The following NALF1 variants were observed in gnomAD, a reference collection of about 807,000 sequenced individuals.
NALF1 encodes NALCN channel auxiliary factor 1.
A neutral mutation model predicts 48.4 loss-of-function variants in NALF1; 3 were observed. That is an observed-to-expected ratio of 0.06 (90% CI 0.03 to 0.16). The LOEUF (loss-of-function observed/expected upper bound fraction) is 0.16, where lower values mean the gene tolerates loss of function less well. NALF1 is among the 10% of genes least tolerant of loss of function. NALF1 has a pLI of 1.00. For synonymous variants in NALF1, 262 were observed against 245.7 expected, an observed-to-expected ratio of 1.07 and a Z score of -0.62; for missense variants, 526 against 571.5, an observed-to-expected ratio of 0.92 and a Z score of 0.81.
chr13:107,609,574 A>G (rs902414591), intron 1 of NALF1, among the ~76,000 whole-genome samples: 4 of 152,032 alleles, frequency 2.6e-5, no homozygotes, highest in African/African-American at 9.7e-5. Context: ...TGTACCTCCT[A>G]CCTCAGTCTA....
At chr13:107,522,728 C>T (rs965161059) in intron 1 of NALF1, among the ~76,000 whole-genome samples, 1 of 151,892 alleles carries the variant, frequency 6.6e-6, no homozygotes, top group Non-Finnish European at 1.5e-5. Context: ...CTTTGCGTCC[C>T]GAGTAGCTGA....
intron 1 of NALF1, among the ~76,000 whole-genome samples, chr13:107,221,274 T>C (rs1279539453): frequency 6.6e-6 from 1 of 151,800 alleles, no homozygotes. Context: ...CCACTAAAGC[T>C]ATTGAAATTT....
At chr13:107,430,412 G>A (rs1884357860) in intron 1 of NALF1, among the ~76,000 whole-genome samples, 1 of 151,858 alleles carries the variant, frequency 6.6e-6, no homozygotes, top group Admixed American at 6.6e-5. Context: ...TTAGCATTAG[G>A]TATATCTCCT....
chr13:107,593,107 C>G (rs78486868), intron 1 of NALF1, among the ~76,000 whole-genome samples: 7 of 151,804 alleles, frequency 4.6e-5, no homozygotes, highest in Admixed American at 3.9e-4. Flanking sequence ...ATCTCCTTGA[C>G]GAAGTACATA....
intron 1 of NALF1, among the ~76,000 whole-genome samples, chr13:107,500,197 C>G (rs1470501024): frequency 2.0e-5 from 3 of 152,124 alleles, no homozygotes; most frequent in Non-Finnish European, 4.4e-5. Context: ...AATTAATGTC[C>G]TAACACATCA....
chr13:107,355,251 C>G (rs1469601068), intron 1 of NALF1, among the ~76,000 whole-genome samples: 2 of 151,900 alleles, frequency 1.3e-5, no homozygotes, highest in Admixed American at 1.3e-4. Flanking sequence ...AAAATGTAAT[C>G]ACACACAGTA....
intron 1 of NALF1, among the ~76,000 whole-genome samples, chr13:107,416,818 T>G (rs1395307790): frequency 6.6e-6 from 1 of 152,212 alleles, no homozygotes; most frequent in Non-Finnish European, 1.5e-5. Flanking sequence ...ATTTACATAT[T>G]TACATTACAT....
chr13:107,794,374 TA>T (rs1878346287), intron 1 of NALF1, among the ~76,000 whole-genome samples: 1 of 152,062 alleles, frequency 6.6e-6, no homozygotes, highest in Non-Finnish European at 1.5e-5. Flanking sequence ...CCGGTACTAT[TA>T]GAATTGCTCA....
intron 1 of NALF1, among the ~76,000 whole-genome samples, chr13:107,762,661 G>A (rs1157463841): frequency 6.6e-6 from 1 of 152,120 alleles, no homozygotes; most frequent in Non-Finnish European, 1.5e-5. Flanking sequence ...AATGGTGGTT[G>A]CACGGGCTGG....
chr13:107,777,513 C>T (rs1335746277), intron 1 of NALF1, among the ~76,000 whole-genome samples: 1 of 152,124 alleles, frequency 6.6e-6, no homozygotes, highest in Admixed American at 6.5e-5. Flanking sequence ...TGAGTGAGTT[C>T]TCGCAAGATC....
At chr13:107,600,169 G>A (rs1878880975) in intron 1 of NALF1, among the ~76,000 whole-genome samples, 1 of 152,152 alleles carries the variant, frequency 6.6e-6, no homozygotes, top group Admixed American at 6.5e-5. Flanking sequence ...CAGAATTCAA[G>A]GTTGAAGGTT....
At chr13:107,495,693 C>T (rs1875311167) in intron 1 of NALF1, among the ~76,000 whole-genome samples, 1 of 152,068 alleles carries the variant, frequency 6.6e-6, no homozygotes, top group African/African-American at 2.4e-5. Flanking sequence ...TGAAATCACA[C>T]ATAGGAAGAA....
intron 1 of NALF1, among the ~76,000 whole-genome samples, chr13:107,462,623 T>C (rs1884937509): frequency 6.6e-6 from 1 of 152,224 alleles, no homozygotes; most frequent in Non-Finnish European, 1.5e-5. Flanking sequence ...GCCTGGCTCC[T>C]GGGACATGCC....
At chr13:107,805,808 A>G (rs1264128946) in intron 1 of NALF1, among the ~76,000 whole-genome samples, 1 of 152,160 alleles carries the variant, frequency 6.6e-6, no homozygotes, top group Non-Finnish European at 1.5e-5. Context: ...ACTGGTAACA[A>G]TTCTCACTAG....
intron 1 of NALF1, among the ~76,000 whole-genome samples, chr13:107,677,128 C>T (rs1881153111): frequency 6.6e-6 from 1 of 152,212 alleles, no homozygotes; most frequent in South Asian, 2.1e-4. Context: ...CTTACTGCTA[C>T]CTCCGCCTCC....
intron 1 of NALF1, among the ~76,000 whole-genome samples, chr13:107,213,357 A>G (rs1879807434): frequency 6.6e-6 from 1 of 152,030 alleles, no homozygotes; most frequent in South Asian, 2.1e-4. Context: ...AGCCGCCGGC[A>G]GAATCCCAGA....
intron 1 of NALF1, among the ~76,000 whole-genome samples, chr13:107,304,788 G>A (rs1269099085): frequency 2.6e-5 from 4 of 152,164 alleles, no homozygotes; most frequent in Non-Finnish European, 2.9e-5. Context: ...GAGAGAGTTC[G>A]GGGCTTTGCC....
intron 1 of NALF1, among the ~76,000 whole-genome samples, chr13:107,395,245 TG>T (rs1883692938): frequency 6.6e-6 from 1 of 152,156 alleles, no homozygotes; most frequent in South Asian, 2.1e-4. Flanking sequence ...TCACACTAAA[TG>T]AATTGATTAC....
intron 1 of NALF1, among the ~76,000 whole-genome samples, chr13:107,570,807 A>G (rs1377842845): frequency 6.6e-6 from 1 of 152,020 alleles, no homozygotes; most frequent in African/African-American, 2.4e-5. Flanking sequence ...CAGAATTTAT[A>G]TTTTGTACAT....
Sources: allele counts gnomAD v4.1 joint callset (sites outside exome capture counted in the v4.1 genomes callset), GRCh38; gene constraint gnomAD v4.1.1; transcripts MANE v1.5; gene names NCBI Gene and HGNC (gene_info 2026-07-23, HGNC 2026-07-21).